Variants in SLC25A26 observed in about 807,000 individuals in gnomAD.
The protein encoded by SLC25A26 is mitochondrial S-adenosylmethionine carrier protein.
SLC25A26 carries 36 observed loss-of-function variants against 37.8 expected under a neutral mutation model. The observed-to-expected ratio is 0.95, with a 90% CI of 0.73 to 1.26. SLC25A26 has a LOEUF of 1.26. Ranked by LOEUF, SLC25A26 falls within the 50% of genes most tolerant of loss-of-function variation. SLC25A26 has a pLI of 0.00. For missense variants in SLC25A26, 390 were observed against 331.1 expected (o/e 1.18, Z -1.38); for synonymous variants, 129 against 122.5 (o/e 1.05, Z -0.35).
At chr3:66,323,598 G>A (rs1355798589) in intron 5 of SLC25A26, among the ~76,000 whole-genome samples, 2 of 152,180 alleles carry the variant, frequency 1.3e-5, no homozygotes, top group Non-Finnish European at 2.9e-5. Context: ...TTGAGCCTTA[G>A]GAGTTTGAGA....
At chr3:66,227,833 G>A (rs979890065) in intron 1 of SLC25A26, among the ~76,000 whole-genome samples, 1 of 152,064 alleles carries the variant, frequency 6.6e-6, no homozygotes, top group Non-Finnish European at 1.5e-5. Context: ...TGATGGCAGG[G>A]GTTCTTGGGT....
chr3:66,223,616 C>G (rs1020168941), intron 1 of SLC25A26, among the ~76,000 whole-genome samples: 2 of 152,130 alleles, frequency 1.3e-5, no homozygotes, highest in African/African-American at 4.8e-5. Flanking sequence ...GGTAAGCACT[C>G]AGTACTACTT....
At chr3:66,152,281 G>A (rs931385829) in intron 1 of SLC25A26, among the ~76,000 whole-genome samples, 4 of 152,218 alleles carry the variant, frequency 2.6e-5, no homozygotes, top group African/African-American at 9.6e-5. Flanking sequence ...TGAGTAGCAA[G>A]ACTCTTAGCA....
intron 1 of SLC25A26, among the ~76,000 whole-genome samples, chr3:66,196,271 C>T (rs2106803464): frequency 6.6e-6 from 1 of 152,280 alleles, no homozygotes; most frequent in East Asian, 1.9e-4. Context: ...ACAAGGGATC[C>T]AGCCCTGGTC....
chr3:66,196,279 G>T (rs1473720097), intron 1 of SLC25A26, among the ~76,000 whole-genome samples: 11 of 152,316 alleles, frequency 7.2e-5, no homozygotes, highest in African/African-American at 2.2e-4. Flanking sequence ...TCCAGCCCTG[G>T]TCATGCTGAC....
At chr3:66,287,673 G>A (rs916176172) in intron 5 of SLC25A26, among the ~76,000 whole-genome samples, 7 of 152,318 alleles carry the variant, frequency 4.6e-5, no homozygotes, top group African/African-American at 1.2e-4. Flanking sequence ...AAGGTGCTGT[G>A]TATTTTGTTT....
intron 1 of SLC25A26, among the ~76,000 whole-genome samples, chr3:66,230,084 C>G (rs1021384494): frequency 3.3e-5 from 5 of 152,216 alleles, no homozygotes; most frequent in African/African-American, 1.2e-4. Context: ...AAGATTTTTT[C>G]TGAACATTTC....
chr3:66,331,782 T>C (rs1363667829), intron 5 of SLC25A26, among the ~76,000 whole-genome samples: 1 of 152,188 alleles, frequency 6.6e-6, no homozygotes, highest in Non-Finnish European at 1.5e-5. Context: ...AAATAAAACA[T>C]GTGACTTTCC....
At chr3:66,302,281 T>C (rs1463991998) in intron 5 of SLC25A26, among the ~76,000 whole-genome samples, 2 of 152,242 alleles carry the variant, frequency 1.3e-5, no homozygotes, top group Non-Finnish European at 2.9e-5. Context: ...TTTTGCAAAC[T>C]ACAAGCTAAC....
chr3:66,184,229 G>A (rs1049844221), intron 1 of SLC25A26, among the ~76,000 whole-genome samples: 1 of 151,834 alleles, frequency 6.6e-6, no homozygotes, highest in Non-Finnish European at 1.5e-5. Flanking sequence ...ACCTGTCTCT[G>A]ACACTGACTT....
chr3:66,167,015 G>C (rs1302390592), intron 1 of SLC25A26, among the ~76,000 whole-genome samples: 7 of 152,132 alleles, frequency 4.6e-5, no homozygotes, highest in Admixed American at 4.6e-4. Context: ...CTCTTCTCTT[G>C]TCTGCCACCA....
chr3:66,134,115 C>T (rs1388533045), intron 1 of SLC25A26: 3 of 152,160 alleles, frequency 2.0e-5, no homozygotes, highest in African/African-American at 4.8e-5. Context: ...TAACAGACTT[C>T]CCTCCAGTGG....
At chr3:66,274,538 TCAAA>T (rs1280148269) in intron 5 of SLC25A26, among the ~76,000 whole-genome samples, 9 of 151,980 alleles carry the variant, frequency 5.9e-5, no homozygotes, top group South Asian at 2.1e-4. Flanking sequence ...TACAATGAAC[TCAAA>T]CAAATTTACA....
intron 1 of SLC25A26, among the ~76,000 whole-genome samples, chr3:66,160,513 A>G (rs976199806): frequency 1.3e-5 from 2 of 152,254 alleles, no homozygotes; most frequent in Non-Finnish European, 2.9e-5. Context: ...AAGGGGATGC[A>G]TCTATTCCCA....
intron 9 of SLC25A26, among the ~76,000 whole-genome samples, chr3:66,376,342 T>C (rs1700648257): frequency 1.3e-5 from 2 of 152,190 alleles, no homozygotes; most frequent in African/African-American, 4.8e-5. Flanking sequence ...GGGCAAAATG[T>C]ATTGTGTGCT....
Position 66,355,028 on chromosome 3 carries a change from A to G in SLC25A26, c.499-7832A>G, listed in dbSNP as rs79345168. ...GATGTGAAAATGGACTAATACAACT[A>G]ATAAGAACCACAGATAGAAAGCTCA... is the stretch of plus-strand genomic sequence containing the variant. On this transcript the variant is annotated intron_variant, in intron 6 of 9. Transcript: ENST00000354883. Among the ~76,000 whole-genome samples the G allele has an allele frequency of 6.5e-3, 985 of 152,232 alleles. 16 individuals carry two copies. Among genetic ancestry groups the G allele is most frequent in the African/African-American group, 0.023 (952 of 41,524 alleles).
intron 3 of SLC25A26, among the ~76,000 whole-genome samples, chr3:66,246,928 C>A (rs1358869404): frequency 1.3e-5 from 2 of 152,172 alleles, no homozygotes; most frequent in Non-Finnish European, 2.9e-5. Flanking sequence ...GTGGCGCGAT[C>A]TCGGCTCACT....
At chr3:66,369,611 G>A (rs1215051031) in intron 8 of SLC25A26, 69 bp downstream of exon 8, 47 of 1,330,024 alleles carry the variant, frequency 3.5e-5, no homozygotes, top group Non-Finnish European at 4.5e-5. Context: ...GACTACAGGT[G>A]TATAAAGTGA....
At chr3:66,157,763 T>C (rs2070304058) in intron 1 of SLC25A26, among the ~76,000 whole-genome samples, 1 of 152,204 alleles carries the variant, frequency 6.6e-6, no homozygotes, top group Admixed American at 6.5e-5. Context: ...CACATGCATA[T>C]CTGGTATCCT....
Sources: gnomAD v4.1 joint callset for allele counts (sites outside exome capture counted in the v4.1 genomes callset) on GRCh38, gnomAD v4.1.1 for gene constraint, MANE v1.5 for transcripts, NCBI Gene and HGNC (gene_info 2026-07-23, HGNC 2026-07-21) for gene names.